The following CNBP variants were observed in gnomAD, a reference collection of about 807,000 sequenced individuals.
The protein encoded by CNBP is CCHC-type zinc finger nucleic acid binding protein, also known as cellular nucleic acid-binding protein.
A neutral mutation model predicts 21.2 loss-of-function variants in CNBP; 6 were observed. That is an observed-to-expected ratio of 0.28 (90% CI 0.16 to 0.56). The LOEUF (loss-of-function observed/expected upper bound fraction) is 0.56. Ranked by LOEUF, CNBP falls within the 20% of genes least tolerant of loss-of-function variation. The pLI is 0.93. For synonymous variants in CNBP, 61 were observed against 74.9 expected (o/e 0.81, Z 0.96); for missense variants, 112 against 233.1 (o/e 0.48, Z 3.38).
In CNBP at chr3:129,170,158, T is replaced by G. The variant is rs906961880; in HGVS notation, c.*295A>C. On this transcript the variant is annotated 3_prime_UTR_variant, in exon 5 of 5. Coordinates refer to ENST00000422453, the MANE Select transcript of CNBP (RefSeq NM_003418.5). ...CATGTTCAAGGAACCCAGGACGGGC[T>G]TACTGGTCTGACTCAACTCTTCCCA... 1 of 347,674 alleles carries G rather than the reference T, an allele frequency of 2.9e-6. No homozygotes were observed. The highest frequency in any genetic ancestry group is 5.3e-6 in the Non-Finnish European group (1 of 187,166). The allele number at this position is 347,674 out of a possible 1,614,324, so 21.5% of individuals were successfully genotyped here.
chr3:129,173,834 C>T (rs1937698743), intron 1 of CNBP, among the ~76,000 whole-genome samples: 1 of 152,140 alleles, frequency 6.6e-6, no homozygotes, highest in African/African-American at 2.4e-5. Context: ...AAACATATTT[C>T]CAACTGAGTA....
At position 129,170,579 on chromosome 3, in the gene CNBP, GAAATT is replaced by G; in HGVS notation, c.417-14_417-10del. 1 of 1,611,000 alleles carries G rather than the reference GAAATT, an allele frequency of 6.2e-7. No individual in the cohort carries two copies. Among genetic ancestry groups the G allele is most frequent in the Non-Finnish European group, 8.5e-7 (1 of 1,177,328 alleles). The stretch of plus-strand genomic sequence containing the variant: ...GACCAGTTTCACCACACCTAAAAAA[GAAATT>G]AAAAGTTTTCACAATGGGCCTCAGA... On this transcript the variant is annotated splice_polypyrimidine_tract_variant and intron_variant, in intron 4 of 4. Coordinates refer to ENST00000422453, the MANE Select transcript of CNBP (RefSeq NM_003418.5).
rs1056722676 is a variant in CNBP at position 129,181,371 on chromosome 3, T to C, written c.-15+2405A>G. ...TTCAAATGCCAGTTTAAGAAAAACC[T>C]GGCCAGGCGCGGTGGCTCCTGCCTG... On this transcript the variant is annotated intron_variant, in intron 1 of 4. Transcript: ENST00000422453. Among the ~76,000 whole-genome samples, 25 of 151,038 alleles carry C rather than the reference T, an allele frequency of 1.7e-4. 3 individuals carry two copies. Among genetic ancestry groups the C allele is most frequent in the Admixed American group, 5.9e-4 (9 of 15,146 alleles).
Position 129,167,913 on chromosome 3 carries a change from TATATTC to T in CNBP, c.*2534_*2539del, listed in dbSNP as rs1339183367. ...AGCACATGAAAAAATATTATAAGCT[TATATTC>T]ATAAAGAAATGGGTATGTTATTACC... On this transcript the variant is annotated 3_prime_UTR_variant, in exon 5 of 5. Coordinates refer to ENST00000422453, the MANE Select transcript of CNBP (RefSeq NM_003418.5). Among the ~76,000 whole-genome samples, 4 of 152,266 alleles carry T rather than the reference TATATTC, an allele frequency of 2.6e-5. No homozygotes were observed. Among genetic ancestry groups the T allele is most frequent in the African/African-American group, 7.2e-5 (3 of 41,474 alleles).
chr3:129,171,854 T>C (rs1259410367), intron 1 of CNBP, 83 bp from the exon 2 acceptor site: 2 of 1,414,578 alleles, frequency 1.4e-6, no homozygotes, highest in Non-Finnish European at 1.9e-6. Flanking sequence ...TTTTGGAAAA[T>C]TATTCTGGGG....
intron 1 of CNBP, 40 bp from the exon 2 acceptor site, chr3:129,171,811 G>A: frequency 6.4e-7 from 1 of 1,570,848 alleles, no homozygotes; most frequent in Non-Finnish European, 8.6e-7. Context: ...ACCACTGAAA[G>A]TTCTTTTAAC....
At chr3:129,181,659 A>AAAAAAAAAAAAAAAAAAAAAAAAAC (rs1419234861) in intron 1 of CNBP, among the ~76,000 whole-genome samples, 1 of 149,452 alleles carries the variant, frequency 6.7e-6, no homozygotes, top group Non-Finnish European at 1.5e-5. Context: ...CAGAAAAAAA[A>AAAAAAAAAAAAAAAAAAAAAAAAAC]AAAGAAAAAC....
chr3:129,173,160 T>C lies in CNBP; in HGVS notation c.-14-1389A>G, dbSNP rs185082568. On this transcript the variant is annotated intron_variant, in intron 1 of 4. Transcript: ENST00000422453. The stretch of plus-strand genomic sequence containing the variant: ...GCATCTGTATTGAACATGCAGACTT[T>C]TCTTGCCATTATTCCCTAAACAATA... Among the ~76,000 whole-genome samples, 20 of 152,336 alleles carry C rather than the reference T, an allele frequency of 1.3e-4. No individual in the cohort carries two copies. In the East Asian group the frequency reaches 3.7e-3, roughly 28 times the overall value.
intron 1 of CNBP, among the ~76,000 whole-genome samples, chr3:129,175,319 G>A (rs1048949857): frequency 2.0e-5 from 3 of 151,400 alleles, no homozygotes; most frequent in South Asian, 2.1e-4. Context: ...GCAAGACTCC[G>A]TCTTCAAAGA....
rs758364031 is a variant in CNBP, at chr3:129,171,472, G to A, written c.191C>T (p.Ala64Val). 6.2e-7 allele frequency: 1 copy of A among 1,614,060 alleles called. No homozygotes were observed. Residue 64 changes from alanine (A) to valine (V), a missense_variant, in exon 3 of 5, where the codon GCC becomes GTC. Physicochemically the swap from Ala to Val is moderately conservative, Grantham distance 64. Transcript: ENST00000422453. Reference protein sequence around the residue: ...CYRCGESGHLAKDCDLQEDAC... With the variant: ...CYRCGESGHLVKDCDLQEDAC... ...ATCCTCCTGAAGATCACAATCCTTGGCAAGATGACCAGACTCACCACAGCG... is the reference window on the plus strand; with the variant it reads ...ATCCTCCTGAAGATCACAATCCTTGACAAGATGACCAGACTCACCACAGCG...
intron 1 of CNBP, among the ~76,000 whole-genome samples, chr3:129,172,790 G>T (rs1320552878): frequency 6.6e-6 from 1 of 151,168 alleles, no homozygotes; most frequent in Non-Finnish European, 1.5e-5. Flanking sequence ...CATTTGCATG[G>T]TTATAAGGCC....
At chr3:129,170,658 G>C (rs1298215522) in intron 4 of CNBP, 88 bp from the exon 5 acceptor site, 13 of 1,003,584 alleles carry the variant, frequency 1.3e-5, no homozygotes, top group Non-Finnish European at 2.1e-5. Context: ...CAAAACGCCT[G>C]ATCTTTGTTT....
intron 1 of CNBP, among the ~76,000 whole-genome samples, chr3:129,178,353 A>C (rs1938064028): frequency 6.6e-6 from 1 of 152,148 alleles, no homozygotes; most frequent in Admixed American, 6.6e-5. Context: ...GATACTAAAA[A>C]CAAATATAGT....
At chr3:129,172,453 G>A (rs1022205203) in intron 1 of CNBP, among the ~76,000 whole-genome samples, 1 of 152,114 alleles carries the variant, frequency 6.6e-6, no homozygotes, top group African/African-American at 2.4e-5. Context: ...ATGGCGGCAT[G>A]CGCCTGTAAT....
intron 1 of CNBP, among the ~76,000 whole-genome samples, chr3:129,176,002 CATT>C (rs1937880627): frequency 6.6e-6 from 1 of 152,148 alleles, no homozygotes; most frequent in Non-Finnish European, 1.5e-5. Flanking sequence ...TCTTTAATAA[CATT>C]ATTAAACTAA....
chr3:129,174,364 A>AAC (rs1553787756), intron 1 of CNBP, among the ~76,000 whole-genome samples: 5 of 148,104 alleles, frequency 3.4e-5, no homozygotes, highest in Admixed American at 6.8e-5. Context: ...AAAAAAAAAA[A>AAC]AAAAAAAAAA....
Position 129,173,027 on chromosome 3 carries a change from A to G in CNBP, c.-14-1256T>C, listed in dbSNP as rs1482496231. On this transcript the variant is annotated intron_variant, in intron 1 of 4. Transcript: ENST00000422453. The stretch of plus-strand genomic sequence containing the variant: ...AGATATGTTAAAACAAATGCAAGAT[A>G]CAAATCTTATCTCTAGATGGTACAA... Among the ~76,000 whole-genome samples, 4 of 152,216 alleles carry G rather than the reference A, an allele frequency of 2.6e-5. No individual in the cohort carries two copies. The South Asian group carries it at 6.2e-4, about 24-fold the overall frequency.
intron 1 of CNBP, among the ~76,000 whole-genome samples, chr3:129,181,162 C>A (rs985899788): frequency 7.2e-6 from 1 of 138,046 alleles, no homozygotes; most frequent in Non-Finnish European, 1.5e-5. Flanking sequence ...ATTGCTTGAG[C>A]CCGGGAGATG....
intron 1 of CNBP, among the ~76,000 whole-genome samples, chr3:129,179,878 C>T (rs984072092): frequency 6.6e-6 from 1 of 151,954 alleles, no homozygotes; most frequent in Non-Finnish European, 1.5e-5. Context: ...TGGTGGCACA[C>T]GCCTATAGTC....
Sources: gnomAD v4.1 joint callset for allele counts (sites outside exome capture counted in the v4.1 genomes callset) on GRCh38, gnomAD v4.1.1 for gene constraint, MANE v1.5 for transcripts, NCBI Gene and HGNC (gene_info 2026-07-23, HGNC 2026-07-21) for gene names.